Variants in SETD5 observed in about 807,000 individuals in gnomAD.
SETD5 encodes the protein SET domain containing 5.
SETD5 carries 44 observed loss-of-function variants against 153.3 expected under a neutral mutation model. The ratio of observed to expected loss-of-function variants is 0.29; its 90% CI spans 0.23 to 0.37. The LOEUF is 0.37. Among genes scored for constraint, SETD5 ranks in the 10% least tolerant of loss-of-function variants. The pLI is 1.00. For synonymous variants in SETD5, 716 were observed against 645.2 expected, an observed-to-expected ratio of 1.11 and a Z score of -1.66; for missense variants, 1,544 against 1,768.0, an observed-to-expected ratio of 0.87 and a Z score of 2.27.
At chr3:9,475,347 T>G in intron 22 of SETD5, 136 bp from the exon 23 acceptor site, 2 of 1,302,384 alleles carry the variant, frequency 1.5e-6, no homozygotes, top group Non-Finnish European at 2.1e-6. Context: ...AGACAGACAT[T>G]TTACTGCCTT....
chr3:9,403,551 TG>T lies in SETD5; in HGVS notation c.-177+5577del. ...GTAGCACATTACAGCTTTCATGTGT[TG>T]GGTTGCCATATGTAAAATGCTAACT... On this transcript the variant is annotated intron_variant, in intron 1 of 22. Transcript: ENST00000402198. Among the ~76,000 whole-genome samples the T allele has an allele frequency of 2.6e-5, 4 of 152,356 alleles. No homozygotes were observed. In the Middle Eastern group the frequency reaches 0.014, roughly 518 times the overall value.
rs2045826504 is a variant in SETD5, at chr3:9,476,041, C to T, written c.4279C>T (p.Leu1427Phe). The change falls in exon 23 of 23, where the codon CTC becomes TTC. Residue 1427 changes from leucine to phenylalanine, a missense_variant. Transcript: ENST00000402198. The stretch of plus-strand genomic sequence containing the variant: ...GAGTGGGGGTGTGCACCAGTACCGA[C>T]TCCAGCCACTGCAAGGGTCAGGAGT... ...RGSGGVHQYR[L>F]QPLQGSGVKT... is the part of the protein sequence containing the mutation. 1 of 1,613,852 alleles carries T rather than the reference C, an allele frequency of 6.2e-7. No individual in the cohort carries two copies. The highest frequency in any genetic ancestry group is 1.3e-5 in the African/African-American group (1 of 74,934).
At chr3:9,418,422 T>G (rs1349943911) in intron 1 of SETD5, among the ~76,000 whole-genome samples, 1 of 152,212 alleles carries the variant, frequency 6.6e-6, no homozygotes, top group Non-Finnish European at 1.5e-5. Context: ...AGAAAGTACT[T>G]TGGTTCTGAA....
At chr3:9,418,953 A>G (rs552083127) in intron 1 of SETD5, among the ~76,000 whole-genome samples, 2 of 152,050 alleles carry the variant, frequency 1.3e-5, no homozygotes, top group East Asian at 2.0e-4. Context: ...CAGCCTCCCA[A>G]GTAGCTGGGA....
At chr3:9,468,451 T>G in intron 18 of SETD5, 2 of 1,278,186 alleles carry the variant, frequency 1.6e-6, no homozygotes, top group Admixed American at 2.3e-5. Flanking sequence ...TTGCTTTTAT[T>G]TTTTGTTTTG....
intron 16 of SETD5, among the ~76,000 whole-genome samples, chr3:9,451,536 C>T (rs2125325747): frequency 6.6e-6 from 1 of 152,260 alleles, no homozygotes; most frequent in South Asian, 2.1e-4. Flanking sequence ...CAGCCTTGAC[C>T]TCCTGGGCTC....
At chr3:9,400,130 T>C (rs2034522649) in intron 1 of SETD5, among the ~76,000 whole-genome samples, 1 of 152,248 alleles carries the variant, frequency 6.6e-6, no homozygotes. Context: ...TTTTTATTGG[T>C]GGGGAGATGG....
chr3:9,456,351 G>C (rs990153214), intron 17 of SETD5, among the ~76,000 whole-genome samples: 3 of 151,970 alleles, frequency 2.0e-5, no homozygotes, highest in Admixed American at 2.0e-4. Context: ...TCACGTACCT[G>C]TAATCCCAGC....
intron 1 of SETD5, among the ~76,000 whole-genome samples, chr3:9,423,757 A>G (rs1454351999): frequency 1.3e-5 from 2 of 152,178 alleles, no homozygotes; most frequent in Non-Finnish European, 2.9e-5. Flanking sequence ...AGCTCTTTTC[A>G]TGTTTATGAT....
In SETD5 at chr3:9,425,061, T is replaced by C. The variant is rs1032897603; in HGVS notation, c.-117+535T>C. Among the ~76,000 whole-genome samples, 16 of 144,036 alleles carry C rather than the reference T, an allele frequency of 1.1e-4. 1 individual carries two copies. In the South Asian group the frequency reaches 3.1e-3, roughly 28 times the overall value. 94.5% of individuals were successfully genotyped at this position (144,036 alleles called of 152,430 possible). A position where few individuals can be genotyped will look rare whatever the true frequency, so the allele number is the denominator to read the frequency against. The stretch of plus-strand genomic sequence containing the variant: ...ATAGTTACCGACAATGTTTCTTTTT[T>C]TTTTTTTTTTTTTTTTTGAGACAGA... On this transcript the variant is annotated intron_variant, in intron 2 of 22. Coordinates refer to ENST00000402198, the MANE Select transcript of SETD5 (RefSeq NM_001080517.3).
chr3:9,425,181 C>A (rs1201578349), intron 2 of SETD5, among the ~76,000 whole-genome samples: 1 of 151,296 alleles, frequency 6.6e-6, no homozygotes, highest in Non-Finnish European at 1.5e-5. Context: ...CTTGCCTCAG[C>A]CTCCCAAGTA....
In SETD5 at chr3:9,476,760, T is replaced by A. The variant is rs1381639245; in HGVS notation, c.*669T>A. 4 of 152,558 alleles carry A rather than the reference T, an allele frequency of 2.6e-5. No individual in the cohort carries two copies. The highest frequency in any genetic ancestry group is 9.6e-5 in the African/African-American group (4 of 41,458). 9.5% of individuals were successfully genotyped at this position (152,558 alleles called of 1,614,324 possible). A position where few individuals can be genotyped will look rare whatever the true frequency, so the allele number is the denominator to read the frequency against. On this transcript the variant is annotated 3_prime_UTR_variant, in exon 23 of 23. Coordinates refer to ENST00000402198, the MANE Select transcript of SETD5 (RefSeq NM_001080517.3). Reference sequence around the variant, plus strand: ...GAAAAGCTCATGGTCAGCTCTTGATTATTCGGGAGCAGATTATTTGAGTAG... The same window carrying A: ...GAAAAGCTCATGGTCAGCTCTTGATAATTCGGGAGCAGATTATTTGAGTAG...
chr3:9,419,022 TCA>T (rs2037977533), intron 1 of SETD5, among the ~76,000 whole-genome samples: 1 of 152,004 alleles, frequency 6.6e-6, no homozygotes, highest in Non-Finnish European at 1.5e-5. Context: ...AGACGGGGTT[TCA>T]TCATCTTGGC....
At chr3:9,415,110 A>G (rs1010666755) in intron 1 of SETD5, among the ~76,000 whole-genome samples, 1 of 152,186 alleles carries the variant, frequency 6.6e-6, no homozygotes, top group African/African-American at 2.4e-5. Context: ...GGAAAGTTTA[A>G]ATATGGTATA....
chr3:9,400,732 T>G (rs2034629356), intron 1 of SETD5, among the ~76,000 whole-genome samples: 2 of 152,234 alleles, frequency 1.3e-5, no homozygotes. Context: ...ATAATCCATC[T>G]GAAATGTAGG....
intron 8 of SETD5, 142 bp downstream of exon 8, chr3:9,440,840 C>A: frequency 9.4e-7 from 1 of 1,066,850 alleles, no homozygotes; most frequent in Non-Finnish European, 1.3e-6. Context: ...TCATATGTAA[C>A]CAAAAGTAGG....
intron 7 of SETD5, among the ~76,000 whole-genome samples, chr3:9,437,466 A>G (rs1254080537): frequency 2.0e-5 from 3 of 151,790 alleles, no homozygotes; most frequent in Non-Finnish European, 4.4e-5. Flanking sequence ...GTGCTGGTTG[A>G]TTAAAAATAG....
At chr3:9,441,991 C>A in intron 9 of SETD5, 137 bp from the exon 10 acceptor site, 2 of 733,950 alleles carry the variant, frequency 2.7e-6, no homozygotes, top group Admixed American at 2.6e-5. Flanking sequence ...CAAAAGCAGA[C>A]AAACGTGATG....
chr3:9,398,364 T>C (rs2034080496), intron 1 of SETD5: 2 of 152,028 alleles, frequency 1.3e-5, no homozygotes, highest in Non-Finnish European at 2.9e-5. Context: ...TTTTTTTCTC[T>C]CCCCGATCCC....
Sources: allele counts gnomAD v4.1 joint callset (sites outside exome capture counted in the v4.1 genomes callset), GRCh38; gene constraint gnomAD v4.1.1; transcripts MANE v1.5; gene names NCBI Gene and HGNC (gene_info 2026-07-23, HGNC 2026-07-21).